Variants in GRID1 observed in about 807,000 individuals in gnomAD.
GRID1 encodes the protein glutamate receptor ionotropic, delta-1.
GRID1 carries 28 observed loss-of-function variants against 98.0 expected under a neutral mutation model. The observed-to-expected ratio is 0.29, with a 90% CI of 0.21 to 0.39. The LOEUF (loss-of-function observed/expected upper bound fraction) is 0.39. Ranked by LOEUF, GRID1 falls within the 10% of genes least tolerant of loss-of-function variation. The pLI, the probability that GRID1 is intolerant of heterozygous loss-of-function variation, is 1.00. For missense variants in GRID1, 1,111 were observed against 1,340.5 expected (o/e 0.83, Z 2.67); for synonymous variants, 553 against 538.5 (o/e 1.03, Z -0.37).
chr10:86,151,833 G>A (rs751365578), intron 3 of GRID1, among the ~76,000 whole-genome samples: 31 of 152,204 alleles, frequency 2.0e-4, no homozygotes, highest in Admixed American at 7.2e-4. Flanking sequence ...GGGAATGTGT[G>A]TGGGGCTGCC....
intron 12 of GRID1, among the ~76,000 whole-genome samples, chr10:85,692,366 G>A (rs1211429757): frequency 6.6e-6 from 1 of 152,110 alleles, no homozygotes; most frequent in Non-Finnish European, 1.5e-5. Context: ...TTCAGTGATA[G>A]AAACAAAAGG....
At chr10:86,131,013 G>A (rs12767631) in intron 4 of GRID1, among the ~76,000 whole-genome samples, 32,642 of 152,102 alleles carry the variant, frequency 0.21, 3,724 homozygotes, top group Middle Eastern at 0.32. Flanking sequence ...GTGGGGTCAG[G>A]GAACTCTCTT....
At chr10:85,915,622 G>A (rs148766051) in intron 5 of GRID1, among the ~76,000 whole-genome samples, 4 of 151,016 alleles carry the variant, frequency 2.6e-5, no homozygotes, top group African/African-American at 7.3e-5. Flanking sequence ...ACACATCCAC[G>A]AACATGCATG....
chr10:86,098,037 T>G (rs1844245853), intron 4 of GRID1, among the ~76,000 whole-genome samples: 1 of 152,232 alleles, frequency 6.6e-6, no homozygotes, highest in African/African-American at 2.4e-5. Flanking sequence ...GGATTTTAGA[T>G]AAAAATACCA....
intron 2 of GRID1, among the ~76,000 whole-genome samples, chr10:86,326,685 G>A (rs1848055414): frequency 6.6e-6 from 1 of 152,194 alleles, no homozygotes; most frequent in African/African-American, 2.4e-5. Context: ...CAATAATCAG[G>A]GAGCTGAAGT....
chr10:86,220,646 T>C (rs1408888134), intron 2 of GRID1, among the ~76,000 whole-genome samples: 2 of 152,206 alleles, frequency 1.3e-5, no homozygotes, highest in African/African-American at 4.8e-5. Context: ...CTGAGCAGGA[T>C]GCCCAGGTGC....
chr10:85,939,013 T>G (rs1841963475), intron 4 of GRID1, among the ~76,000 whole-genome samples: 1 of 152,210 alleles, frequency 6.6e-6, no homozygotes, highest in Admixed American at 6.5e-5. Context: ...TGCTGACACT[T>G]GTAGCCTCCT....
At chr10:86,083,883 C>T (rs1321036006) in intron 4 of GRID1, among the ~76,000 whole-genome samples, 2 of 152,224 alleles carry the variant, frequency 1.3e-5, no homozygotes, top group Non-Finnish European at 2.9e-5. Context: ...AGCCATGAGA[C>T]TTTGCAGCAA....
chr10:85,626,288 G>A lies in GRID1; in HGVS notation c.2194-6255C>T, dbSNP rs116134639. Among the ~76,000 whole-genome samples the A allele has an allele frequency of 5.7e-3, 874 of 152,336 alleles. 8 individuals are homozygous for A. The highest frequency in any genetic ancestry group is 0.019 in the African/African-American group (770 of 41,580). The stretch of plus-strand genomic sequence containing the variant: ...ACAAGCCTGAATTATGAACAGTGGA[G>A]CCATGTCAACCTGAGTTACATCTGG... On this transcript the variant is annotated intron_variant, in intron 13 of 15. Transcript: ENST00000327946.
chr10:85,981,500 A>T (rs1323541102), intron 4 of GRID1, among the ~76,000 whole-genome samples: 3 of 152,174 alleles, frequency 2.0e-5, no homozygotes, highest in African/African-American at 7.2e-5. Flanking sequence ...AACCTTGGCA[A>T]AGGACTTAAT....
At chr10:86,304,830 TG>T (rs1847737374) in intron 2 of GRID1, among the ~76,000 whole-genome samples, 1 of 152,164 alleles carries the variant, frequency 6.6e-6, no homozygotes, top group Non-Finnish European at 1.5e-5. Context: ...ACGCTTTCCA[TG>T]GTCAAGGTGT....
chr10:86,313,734 T>C (rs756114928), intron 2 of GRID1, among the ~76,000 whole-genome samples: 7 of 152,224 alleles, frequency 4.6e-5, no homozygotes, highest in Non-Finnish European at 7.3e-5. Context: ...TCTCCCCAGC[T>C]GAGGAGCAAG....
chr10:86,040,116 G>A (rs917928323), intron 4 of GRID1, among the ~76,000 whole-genome samples: 4 of 152,146 alleles, frequency 2.6e-5, no homozygotes, highest in African/African-American at 9.7e-5. Context: ...ATGGTCTCTG[G>A]AAATGGGAAT....
chr10:86,080,976 A>G (rs1488092060), intron 4 of GRID1, among the ~76,000 whole-genome samples: 1 of 152,180 alleles, frequency 6.6e-6, no homozygotes, highest in Non-Finnish European at 1.5e-5. Flanking sequence ...AGGTTCCAGA[A>G]AAAGCCCCAG....
intron 15 of GRID1, chr10:85,606,757 A>G (rs1283079486): frequency 6.6e-6 from 1 of 152,198 alleles, no homozygotes; most frequent in Non-Finnish European, 1.5e-5. Flanking sequence ...AGGAGTAATC[A>G]GCCTACTCAA....
At chr10:86,037,889 G>A (rs1036767131) in intron 4 of GRID1, among the ~76,000 whole-genome samples, 9 of 152,218 alleles carry the variant, frequency 5.9e-5, no homozygotes, top group Admixed American at 1.3e-4. Context: ...AAATTCATAC[G>A]TTAAAGGCCT....
At chr10:85,810,923 G>C (rs965405038) in intron 8 of GRID1, among the ~76,000 whole-genome samples, 1 of 152,044 alleles carries the variant, frequency 6.6e-6, no homozygotes, top group African/African-American at 2.4e-5. Context: ...CCCCAAGCCA[G>C]CTGACTCATC....
intron 8 of GRID1, among the ~76,000 whole-genome samples, chr10:85,789,557 A>G (rs1159453054): frequency 6.6e-6 from 1 of 152,132 alleles, no homozygotes; most frequent in Non-Finnish European, 1.5e-5. Context: ...TATGCTTCCT[A>G]TTATTAAACA....
intron 4 of GRID1, among the ~76,000 whole-genome samples, chr10:86,090,964 G>C (rs1844137702): frequency 6.6e-6 from 1 of 152,182 alleles, no homozygotes. Context: ...AGGGGTATAG[G>C]AAGCAGCAGA....
Sources: allele counts gnomAD v4.1 joint callset (sites outside exome capture counted in the v4.1 genomes callset), GRCh38; gene constraint gnomAD v4.1.1; transcripts MANE v1.5; gene names NCBI Gene and HGNC (gene_info 2026-07-23, HGNC 2026-07-21).